Variants in NUP210L observed in about 807,000 individuals in gnomAD.
NUP210L encodes nucleoporin 210 like, also known as nuclear pore membrane glycoprotein 210-like.
In NUP210L, 74 loss-of-function variants were observed where a neutral mutation model predicts 208.5. That is an observed-to-expected ratio of 0.35 (90% CI 0.29 to 0.43). The LOEUF (loss-of-function observed/expected upper bound fraction) is 0.43, where lower values mean the gene tolerates loss of function less well. Ranked by LOEUF, NUP210L falls within the 20% of genes least tolerant of loss-of-function variation. The pLI is 1.00. For synonymous variants in NUP210L, 780 were observed against 816.9 expected (o/e 0.95, Z 0.77); for missense variants, 1,843 against 2,289.4 (o/e 0.81, Z 3.98).
At chr1:154,146,097 C>T (rs917552509) in intron 2 of NUP210L, among the ~76,000 whole-genome samples, 1 of 152,064 alleles carries the variant, frequency 6.6e-6, no homozygotes, top group Non-Finnish European at 1.5e-5. Context: ...TAAGATGACC[C>T]TGGCCCATCT....
exon 30 of NUP210L, chr1:154,025,567 T>C: frequency 6.2e-7 from 1 of 1,611,888 alleles, no homozygotes; most frequent in Non-Finnish European, 8.5e-7. Flanking sequence ...GGTTGTTTGG[T>C]TGACTCCAAA....
At chr1:154,131,735 CCT>C (rs368551620) in intron 7 of NUP210L, among the ~76,000 whole-genome samples, 3 of 152,238 alleles carry the variant, frequency 2.0e-5, no homozygotes, top group African/African-American at 7.2e-5. Context: ...ACAGTTTTCT[CCT>C]CTTTGTAAAT....
intron 27 of NUP210L, among the ~76,000 whole-genome samples, chr1:154,041,153 T>TG (rs1420950319): frequency 6.6e-6 from 1 of 151,582 alleles, no homozygotes; most frequent in Non-Finnish European, 1.5e-5. Context: ...TTTTAACAGA[T>TG]GGGGTCTCAT....
intron 23 of NUP210L, among the ~76,000 whole-genome samples, chr1:154,055,127 C>CTTTCTTTCTTTCT (rs1393521313): frequency 5.6e-5 from 1 of 17,984 alleles, no homozygotes; most frequent in Non-Finnish European, 1.1e-4. Context: ...TCTTTCTTTT[C>CTTTCTTTCTTTCT]TTTCTTTCTT....
At position 154,138,582 on chromosome 1, in the gene NUP210L, C is replaced by T. The variant is rs571860833; in HGVS notation, c.718-344G>A. 8.5e-5 allele frequency among the ~76,000 whole-genome samples: 13 copies of T among 152,298 alleles called. 1 individual carries two copies. In the East Asian group the frequency reaches 2.3e-3, roughly 27 times the overall value. On this transcript the variant is annotated intron_variant, in intron 5 of 39. Transcript: ENST00000368559. ...TTTTAGCCAACCTCCAATTAACTGACTTGCCAGATTAAGTTACTTTCCACT... is the reference window on the plus strand; with the variant it reads ...TTTTAGCCAACCTCCAATTAACTGATTTGCCAGATTAAGTTACTTTCCACT...
chr1:154,001,627 AT>A, intron 36 of NUP210L, 107 bp downstream of exon 36: 1 of 1,195,848 alleles, frequency 8.4e-7, no homozygotes, highest in Middle Eastern at 2.7e-4. Context: ...TCCTATGGTA[AT>A]TTTTATTAGG....
intron 33 of NUP210L, 130 bp from the exon 34 acceptor site, chr1:154,012,500 A>G: frequency 1.2e-6 from 1 of 830,628 alleles, no homozygotes; most frequent in Non-Finnish European, 1.8e-6. Context: ...TCTCATGACC[A>G]CATATTTGAG....
exon 10 of NUP210L, chr1:154,126,339 G>A: frequency 1.2e-6 from 2 of 1,612,686 alleles, no homozygotes; most frequent in Non-Finnish European, 1.7e-6. Flanking sequence ...AATGATGGAG[G>A]TCAGGGATGC....
intron 23 of NUP210L, among the ~76,000 whole-genome samples, chr1:154,056,215 G>A (rs1653863874): frequency 6.6e-6 from 1 of 152,044 alleles, no homozygotes; most frequent in Non-Finnish European, 1.5e-5. Context: ...GCAGTGGCAC[G>A]ATCATGGCTT....
At chr1:154,066,849 G>A (rs994358259) in intron 17 of NUP210L, among the ~76,000 whole-genome samples, 1 of 152,132 alleles carries the variant, frequency 6.6e-6, no homozygotes, top group Non-Finnish European at 1.5e-5. Context: ...TAGAAGAAAT[G>A]GATAAATTTC....
intron 33 of NUP210L, 133 bp downstream of exon 33, chr1:154,018,800 T>C: frequency 1.0e-6 from 1 of 990,574 alleles, no homozygotes; most frequent in South Asian, 1.6e-5. Flanking sequence ...TGTGTTCCAG[T>C]AAAGTTTGCT....
chr1:154,009,560 G>A (rs1242603217), intron 35 of NUP210L, among the ~76,000 whole-genome samples: 1 of 150,034 alleles, frequency 6.7e-6, no homozygotes, highest in African/African-American at 2.5e-5. Context: ...GCTGAGGCAG[G>A]AGGATTGCTT....
chr1:154,095,918 G>C (rs1362625391), intron 14 of NUP210L, among the ~76,000 whole-genome samples: 2 of 152,138 alleles, frequency 1.3e-5, no homozygotes, highest in Admixed American at 1.3e-4. Context: ...GGTTATTTTT[G>C]TATGGCACAC....
chr1:154,024,025 G>A (rs1404228096), intron 30 of NUP210L, among the ~76,000 whole-genome samples: 1 of 151,726 alleles, frequency 6.6e-6, no homozygotes. Flanking sequence ...TCCTGACCTC[G>A]TGATCCACCC....
At chr1:154,136,019 A>G (rs757192964) in intron 6 of NUP210L, 47 bp from the exon 7 acceptor site, 2 of 1,278,622 alleles carry the variant, frequency 1.6e-6, no homozygotes, top group Admixed American at 1.7e-5. Context: ...CAGCCATTCC[A>G]GTAGATAATG....
chr1:154,069,851 C>T (rs552896930), intron 17 of NUP210L, among the ~76,000 whole-genome samples: 1 of 152,280 alleles, frequency 6.6e-6, no homozygotes, highest in South Asian at 2.1e-4. Flanking sequence ...CACATATACA[C>T]CATGGAATAC....
At chr1:154,110,987 A>G (rs538245512) in intron 12 of NUP210L, among the ~76,000 whole-genome samples, 4 of 151,592 alleles carry the variant, frequency 2.6e-5, no homozygotes, top group Non-Finnish European at 5.9e-5. Context: ...AATACAAAAG[A>G]TCAACAAAAT....
intron 14 of NUP210L, among the ~76,000 whole-genome samples, chr1:154,099,760 C>A (rs1014130396): frequency 1.3e-5 from 2 of 152,162 alleles, no homozygotes; most frequent in African/African-American, 4.8e-5. Flanking sequence ...AGGAGAATAT[C>A]TAAAACTTTC....
At position 154,152,720 on chromosome 1, in the gene NUP210L, T is replaced by G; in HGVS notation, c.340+16A>C. The G allele has an allele frequency of 6.2e-7, 1 of 1,612,122 alleles. No individual in the cohort carries two copies. Among genetic ancestry groups the G allele is most frequent in the Non-Finnish European group, 8.5e-7 (1 of 1,178,420 alleles). ...CCCAGAAGAAGTGATACATAGTGTT[T>G]TTGCTCTCAACATACCTATTTCTCG... On this transcript the variant is annotated intron_variant, in intron 2 of 39. Transcript: ENST00000368559.
Sources: allele counts gnomAD v4.1 joint callset (sites outside exome capture counted in the v4.1 genomes callset), GRCh38; gene constraint gnomAD v4.1.1; transcripts MANE v1.5; gene names NCBI Gene and HGNC (gene_info 2026-07-23, HGNC 2026-07-21).